The following ISG20 variants were observed in gnomAD, a reference collection of about 807,000 sequenced individuals.
The protein encoded by ISG20 is interferon stimulated exonuclease gene 20.
Under a neutral mutation model 11.1 loss-of-function variants are expected in ISG20, and 8 were observed. The observed-to-expected ratio is 0.72, with a 90% CI of 0.42 to 1.30. ISG20 has a LOEUF of 1.30. Among genes scored for constraint, ISG20 ranks in the 50% most tolerant of loss-of-function variants. The pLI is 0.01. For missense variants in ISG20, 243 were observed against 250.2 expected, an observed-to-expected ratio of 0.97 and a Z score of 0.19; for synonymous variants, 110 against 101.7, an observed-to-expected ratio of 1.08 and a Z score of -0.49.
Position 88,652,092 on chromosome 15 carries a change from A to G in ISG20, c.229-18A>G. The G allele has an allele frequency of 1.2e-6, 2 of 1,613,816 alleles. No individual in the cohort carries two copies. Among genetic ancestry groups the G allele is most frequent in the Non-Finnish European group, 1.7e-6 (2 of 1,179,846 alleles). On this transcript the variant is annotated intron_variant, in intron 2 of 3. Transcript: ENST00000306072. ...GATGCTGGGTCATGTAGGGGTGGGC[A>G]CATGTCTTCCTGGCCAGATCCTGCA... is the stretch of plus-strand genomic sequence containing the variant.
chr15:88,639,006 G>A, upstream of ISG20: 1 of 337,766 alleles, frequency 3.0e-6, no homozygotes, highest in Non-Finnish European at 5.5e-6. The surrounding 1 kb of genome is among the most constrained non-coding windows in gnomAD (Gnocchi z 4.2). Flanking sequence ...AGTCACCGCT[G>A]AGAGCAGCTG....
chr15:88,651,412 A>G (rs12913485), intron 2 of ISG20: 293,987 of 532,924 alleles, frequency 0.55, 83,279 homozygotes, highest in Non-Finnish European at 0.59. Flanking sequence ...TCTAAAATCA[A>G]AGTGTCAGTG....
chr15:88,639,029 A>C lies in ISG20; in HGVS notation c.-72A>C, dbSNP rs535755038. Reference sequence around the variant, plus strand: ...CTGAGAGCAGCTGCAGTAGCTGAGCAGTGGCAGCAGAGAGGCAGACGTGAG... The same window carrying C: ...CTGAGAGCAGCTGCAGTAGCTGAGCCGTGGCAGCAGAGAGGCAGACGTGAG... On this transcript the variant is annotated 5_prime_UTR_variant, in exon 1 of 4. Transcript: ENST00000306072. The surrounding 1 kb of genome is among the most constrained non-coding windows in gnomAD (Gnocchi z 4.2). 1 of 414,174 alleles carries C rather than the reference A, an allele frequency of 2.4e-6. No homozygotes were observed. The highest frequency in any genetic ancestry group is 3.1e-5 in the South Asian group (1 of 31,944). 25.7% of individuals were successfully genotyped at this position (414,174 alleles called of 1,614,324 possible).
Position 88,639,116 on chromosome 15 carries a change from G to A in ISG20, c.-25+40G>A. 2 of 561,032 alleles carry A rather than the reference G, an allele frequency of 3.6e-6. No homozygotes were observed. The highest frequency in any genetic ancestry group is 3.2e-6 in the Non-Finnish European group (1 of 315,866). 34.8% of individuals were successfully genotyped at this position (561,032 alleles called of 1,614,324 possible). On this transcript the variant is annotated intron_variant, in intron 1 of 3. Transcript: ENST00000306072. The surrounding 1 kb of genome is among the most constrained non-coding windows in gnomAD (Gnocchi z 4.2). Reference sequence around the variant, plus strand: ...TGGAGCAGCAGCTGGGGAGGCAGCGGGAGGGGCCTTCCCGGTCCCCAGGCT... The same window carrying A: ...TGGAGCAGCAGCTGGGGAGGCAGCGAGAGGGGCCTTCCCGGTCCCCAGGCT...
At position 88,639,608 on chromosome 15, in the gene ISG20, C is replaced by T. The variant is rs10152473; in HGVS notation, c.228+14C>T. The stretch of plus-strand genomic sequence containing the variant: ...GCCAGGCTAGAGGTGAGTGAAGGCC[C>T]GGCCAGCAGGGGCTTTGGAAATAAC... On this transcript the variant is annotated intron_variant, in intron 2 of 3. Transcript: ENST00000306072. This position sits in a 1 kb window ranked among gnomAD's most constrained non-coding sequence, Gnocchi z 4.2. The T allele has an allele frequency of 5.5e-5, 88 of 1,602,810 alleles. No homozygotes were observed. The South Asian group carries it at 8.7e-4, about 16-fold the overall frequency.
chr15:88,645,792 G>A (rs1286232341), intron 2 of ISG20, among the ~76,000 whole-genome samples: 1 of 152,074 alleles, frequency 6.6e-6, no homozygotes, highest in Non-Finnish European at 1.5e-5. Context: ...CTGCCCCACT[G>A]GTCCCTAGCC....
rs773363356 is a variant in ISG20 at position 88,643,329 on chromosome 15, T to G, written c.228+3735T>G. On this transcript the variant is annotated intron_variant, in intron 2 of 3. Transcript: ENST00000306072. The surrounding 1 kb of genome is among the most constrained non-coding windows in gnomAD (Gnocchi z 4.4). ...TGTTGAAATGATAGTATTTTGGATA[T>G]GTTAGGTTAAATAAAACGTTAAAAT... is the stretch of plus-strand genomic sequence containing the variant. 6.6e-6 allele frequency among the ~76,000 whole-genome samples: 1 copy of G among 152,220 alleles called. No individual in the cohort carries two copies. Among genetic ancestry groups the G allele is most frequent in the Non-Finnish European group, 1.5e-5 (1 of 68,038 alleles).
chr15:88,645,293 C>T (rs991295820), intron 2 of ISG20, among the ~76,000 whole-genome samples: 1 of 152,168 alleles, frequency 6.6e-6, no homozygotes, highest in African/African-American at 2.4e-5. Flanking sequence ...GGTCAGATGC[C>T]GTGACATGGA....
rs1302145486 is a variant in ISG20 at position 88,639,730 on chromosome 15, G to A, written c.228+136G>A. On this transcript the variant is annotated intron_variant, in intron 2 of 3. Coordinates refer to ENST00000306072, the MANE Select transcript of ISG20 (RefSeq NM_002201.6). This position sits in a 1 kb window ranked among gnomAD's most constrained non-coding sequence, Gnocchi z 4.2. ...CCACACTGCTGTTGGGAGAAAGCCG[G>A]TGGTGTCTCCATCACATCCTGGAGA... The A allele has an allele frequency of 3.8e-5, 26 of 679,224 alleles. No individual in the cohort carries two copies. The allele number at this position is 679,224 out of a possible 1,614,324, so 42.1% of individuals were successfully genotyped here. A position where few individuals can be genotyped will look rare whatever the true frequency, so the allele number is the denominator to read the frequency against.
intron 2 of ISG20, chr15:88,648,722 T>C (rs1205299139): frequency 6.6e-6 from 1 of 152,218 alleles, no homozygotes; most frequent in Non-Finnish European, 1.5e-5. Flanking sequence ...ATCTCTCTGA[T>C]CTCGGGCTCC....
At chr15:88,637,666 G>C (rs1005274472), upstream of ISG20, among the ~76,000 whole-genome samples, 13 of 152,256 alleles carry the variant, frequency 8.5e-5, no homozygotes, top group African/African-American at 3.1e-4. Flanking sequence ...GACCCGAGGA[G>C]GTGAGCAGAG....
rs370675181 is a variant in ISG20 at position 88,655,491 on chromosome 15, G to C, written c.506G>C (p.Arg169Pro). The C allele has an allele frequency of 6.2e-7, 1 of 1,613,564 alleles. No homozygotes were observed. The highest frequency in any genetic ancestry group is 8.5e-7 in the Non-Finnish European group (1 of 1,180,018). Residue 169 changes from arginine to proline, a missense_variant, in exon 4 of 4, where the codon CGA becomes CCA. Transcript: ENST00000306072. The part of the protein sequence containing the change: ...MELYQISQRI[R>P]ARRGLPRLAV... Reference sequence around the variant, plus strand: ...CTCTATCAAATCTCCCAGAGAATCCGAGCCCGCCGAGGGCTGCCCCGCCTG... The same window carrying C: ...CTCTATCAAATCTCCCAGAGAATCCCAGCCCGCCGAGGGCTGCCCCGCCTG...
In ISG20 at chr15:88,639,315, A is replaced by G. The variant is rs1372822703; in HGVS notation, c.-24-28A>G. Reference sequence around the variant, plus strand: ...TGGAGGCTTGGTTTGCCCAAGCGTGAGACCGCCCCCCATACCCCTCTCTCC... The same window carrying G: ...TGGAGGCTTGGTTTGCCCAAGCGTGGGACCGCCCCCCATACCCCTCTCTCC... On this transcript the variant is annotated intron_variant, in intron 1 of 3. Transcript: ENST00000306072. This position sits in a 1 kb window ranked among gnomAD's most constrained non-coding sequence, Gnocchi z 4.2. 4 of 1,438,488 alleles carry G rather than the reference A, an allele frequency of 2.8e-6. No individual in the cohort carries two copies. 89.1% of individuals were successfully genotyped at this position (1,438,488 alleles called of 1,614,324 possible).
chr15:88,655,151 C>A (rs2058353287), intron 3 of ISG20, among the ~76,000 whole-genome samples: 1 of 152,272 alleles, frequency 6.6e-6, no homozygotes, highest in Admixed American at 6.5e-5. Flanking sequence ...CCTCTGCCTC[C>A]CTTGCGGGAC....
At chr15:88,637,943 TCA>T (rs1405149976), upstream of ISG20, among the ~76,000 whole-genome samples, 1 of 152,184 alleles carries the variant, frequency 6.6e-6, no homozygotes, top group Non-Finnish European at 1.5e-5. Flanking sequence ...TCAAAAACTC[TCA>T]CACCTCAAAT....
intron 2 of ISG20, chr15:88,649,319 TCA>T (rs2058232506): frequency 6.6e-6 from 1 of 152,392 alleles, no homozygotes; most frequent in African/African-American, 2.4e-5. Context: ...TCGTGGTGAG[TCA>T]CATAGTGCCT....
rs545845525 is a variant in ISG20, at chr15:88,652,094, A to G, written c.229-16A>G. On this transcript the variant is annotated splice_polypyrimidine_tract_variant and intron_variant, in intron 2 of 3. Transcript: ENST00000306072. ...TGCTGGGTCATGTAGGGGTGGGCAC[A>G]TGTCTTCCTGGCCAGATCCTGCAGC... 16 of 1,613,830 alleles carry G rather than the reference A, an allele frequency of 9.9e-6. No individual in the cohort carries two copies. The South Asian group carries it at 1.6e-4, about 17-fold the overall frequency.
upstream of ISG20, chr15:88,638,935 G>A (rs926799253): frequency 4.6e-6 from 1 of 215,570 alleles, no homozygotes; most frequent in African/African-American, 2.3e-5. Flanking sequence ...GACTTCACTT[G>A]ATAACAAACT....
intron 3 of ISG20, among the ~76,000 whole-genome samples, chr15:88,654,800 G>C (rs1404172806): frequency 6.6e-6 from 1 of 152,050 alleles, no homozygotes; most frequent in Non-Finnish European, 1.5e-5. Context: ...TGAATGGACC[G>C]AGGGCCCCCG....
Sources: allele counts gnomAD v4.1 joint callset (sites outside exome capture counted in the v4.1 genomes callset), GRCh38; gene constraint gnomAD v4.1.1; non-coding constraint Gnocchi (gnomAD v3.1); transcripts MANE v1.5; gene names NCBI Gene and HGNC (gene_info 2026-07-23, HGNC 2026-07-21).